The following ROBO1 variants were observed in gnomAD, a reference collection of about 807,000 sequenced individuals.
ROBO1 encodes the protein roundabout guidance receptor 1.
Under a neutral mutation model 195.9 loss-of-function variants are expected in ROBO1, and 149 were observed. The observed-to-expected ratio is 0.76, with a 90% CI of 0.67 to 0.87. The LOEUF (loss-of-function observed/expected upper bound fraction) is 0.87. Among genes scored for constraint, ROBO1 ranks in the 40% least tolerant of loss-of-function variants. The pLI is 0.00. For missense variants in ROBO1, 1,933 were observed against 2,068.3 expected (o/e 0.93, Z 1.27); for synonymous variants, 816 against 733.2 (o/e 1.11, Z -1.82).
chr3:79,112,643 A>G (rs566018296), intron 3 of ROBO1, among the ~76,000 whole-genome samples: 3 of 152,244 alleles, frequency 2.0e-5, no homozygotes, highest in African/African-American at 7.2e-5. Context: ...CATTCTCAGC[A>G]AACTATCACA....
At chr3:78,834,873 T>A (rs2032564282) in intron 4 of ROBO1, among the ~76,000 whole-genome samples, 1 of 152,196 alleles carries the variant, frequency 6.6e-6, no homozygotes, top group African/African-American at 2.4e-5. Context: ...GTACAGAAAT[T>A]TCTTTCTTCC....
At chr3:79,669,996 T>G (rs1370226102) in intron 1 of ROBO1, among the ~76,000 whole-genome samples, 1 of 151,992 alleles carries the variant, frequency 6.6e-6, no homozygotes, top group African/African-American at 2.4e-5. Context: ...GTGAATAAAT[T>G]TGAGTACACA....
intron 1 of ROBO1, among the ~76,000 whole-genome samples, chr3:79,749,220 G>A (rs984581792): frequency 2.6e-5 from 4 of 152,110 alleles, no homozygotes; most frequent in Non-Finnish European, 5.9e-5. Flanking sequence ...CTGCCCTAGA[G>A]ACTGTGGAAC....
chr3:79,485,680 A>G (rs1157857778), intron 2 of ROBO1, among the ~76,000 whole-genome samples: 1 of 152,150 alleles, frequency 6.6e-6, no homozygotes, highest in Non-Finnish European at 1.5e-5. Context: ...TTTTGCAGAT[A>G]CAGAAAGTAA....
At chr3:79,457,185 G>C (rs1288216776) in intron 2 of ROBO1, among the ~76,000 whole-genome samples, 1 of 152,092 alleles carries the variant, frequency 6.6e-6, no homozygotes, top group Non-Finnish European at 1.5e-5. Context: ...TAAAATTTGA[G>C]AGCACAGTCA....
chr3:78,857,969 C>T (rs1216033147), intron 4 of ROBO1, among the ~76,000 whole-genome samples: 1 of 152,148 alleles, frequency 6.6e-6, no homozygotes, highest in Non-Finnish European at 1.5e-5. Flanking sequence ...AAGGTCATCA[C>T]TCTGACAAAT....
At chr3:79,582,104 G>A (rs1943680349) in intron 2 of ROBO1, among the ~76,000 whole-genome samples, 1 of 151,668 alleles carries the variant, frequency 6.6e-6, no homozygotes, top group Non-Finnish European at 1.5e-5. Flanking sequence ...ATCAAGAAAT[G>A]TAAACCAAAT....
intron 29 of ROBO1, 72 bp downstream of exon 29, chr3:78,606,661 A>G: frequency 6.8e-7 from 1 of 1,467,368 alleles, no homozygotes; most frequent in East Asian, 2.3e-5. Context: ...TTACATGGCC[A>G]TATAGAGCCT....
At chr3:79,336,237 G>C (rs1014027498) in intron 2 of ROBO1, among the ~76,000 whole-genome samples, 7 of 152,182 alleles carry the variant, frequency 4.6e-5, no homozygotes, top group Admixed American at 2.0e-4. Flanking sequence ...AAGACAATGG[G>C]GAAATATCTC....
chr3:79,057,884 CAGG>C (rs2108390688), intron 3 of ROBO1, among the ~76,000 whole-genome samples: 1 of 152,098 alleles, frequency 6.6e-6, no homozygotes, highest in South Asian at 2.1e-4. Context: ...CCTGCTAAAC[CAGG>C]AGAAGAAGGC....
chr3:79,664,810 A>G (rs1049521273), intron 1 of ROBO1, among the ~76,000 whole-genome samples: 2 of 151,962 alleles, frequency 1.3e-5, no homozygotes, highest in African/African-American at 2.4e-5. Flanking sequence ...CTAACAATAA[A>G]TATTCAATGC....
At chr3:79,330,730 T>G (rs1454546248) in intron 2 of ROBO1, among the ~76,000 whole-genome samples, 1 of 151,734 alleles carries the variant, frequency 6.6e-6, no homozygotes, top group East Asian at 1.9e-4. Context: ...TGAAATCTTG[T>G]TTTTCGTAGA....
intron 27 of ROBO1, among the ~76,000 whole-genome samples, 190 bp from the exon 28 acceptor site, chr3:78,614,990 A>G (rs1553682516): frequency 6.6e-6 from 1 of 152,074 alleles, no homozygotes; most frequent in Non-Finnish European, 1.5e-5. Flanking sequence ...TGGAAAAAAT[A>G]CCCCAAAAGC....
chr3:79,523,161 CCA>C (rs139825740), intron 2 of ROBO1, among the ~76,000 whole-genome samples: 18,364 of 145,982 alleles, frequency 0.13, 1,112 homozygotes, highest in South Asian at 0.14. Flanking sequence ...GCTTCATAAA[CCA>C]CACACACACA....
chr3:78,680,841 C>G (rs2080884129), intron 10 of ROBO1, among the ~76,000 whole-genome samples: 1 of 149,448 alleles, frequency 6.7e-6, no homozygotes, highest in South Asian at 2.1e-4. Context: ...GGGTATATAA[C>G]CAAAGGACTA....
At chr3:79,628,074 G>A (rs1163939490) in intron 1 of ROBO1, among the ~76,000 whole-genome samples, 1 of 152,144 alleles carries the variant, frequency 6.6e-6, no homozygotes, top group East Asian at 1.9e-4. Context: ...AAGACAGTGT[G>A]GTGATTCCTC....
At chr3:78,705,765 A>T (rs890347953) in intron 8 of ROBO1, among the ~76,000 whole-genome samples, 4 of 152,002 alleles carry the variant, frequency 2.6e-5, no homozygotes, top group Non-Finnish European at 2.9e-5. Flanking sequence ...AAAAAAGGCA[A>T]ATGTGCTGTC....
intron 3 of ROBO1, among the ~76,000 whole-genome samples, chr3:79,065,387 C>T (rs963599967): frequency 6.6e-6 from 1 of 151,610 alleles, no homozygotes; most frequent in Non-Finnish European, 1.5e-5. Flanking sequence ...ATTGAAAAGG[C>T]CTAGAAAAAA....
At chr3:79,270,308 T>A (rs1356135899) in intron 2 of ROBO1, among the ~76,000 whole-genome samples, 2 of 151,728 alleles carry the variant, frequency 1.3e-5, no homozygotes, top group Non-Finnish European at 3.0e-5. Flanking sequence ...ATAAGAGAGT[T>A]TTAACATATT....
Sources: gnomAD v4.1 joint callset for allele counts (sites outside exome capture counted in the v4.1 genomes callset) on GRCh38, gnomAD v4.1.1 for gene constraint, MANE v1.5 for transcripts, NCBI Gene and HGNC (gene_info 2026-07-23, HGNC 2026-07-21) for gene names.